Variants in CBFA2T2 observed in about 807,000 individuals in gnomAD.
The protein encoded by CBFA2T2 is CBFA2/RUNX1 partner transcriptional co-repressor 2.
CBFA2T2 carries 11 observed loss-of-function variants against 62.2 expected under a neutral mutation model. The observed-to-expected ratio is 0.18, with a 90% confidence interval of 0.11 to 0.29. CBFA2T2 has a LOEUF of 0.29. Ranked by LOEUF, CBFA2T2 falls within the 10% of genes least tolerant of loss-of-function variation. The pLI is 1.00. For missense variants in CBFA2T2, 592 were observed against 774.1 expected (o/e 0.76, Z 2.79); for synonymous variants, 295 against 287.5 (o/e 1.03, Z -0.27).
chr20:33,534,812 C>G (rs2012162266), intron 1 of CBFA2T2, among the ~76,000 whole-genome samples: 1 of 116,248 alleles, frequency 8.6e-6, no homozygotes. Flanking sequence ...GGAAGTTTTC[C>G]ATCTTATATG....
At chr20:33,529,723 A>G (rs1328633747) in intron 1 of CBFA2T2, among the ~76,000 whole-genome samples, 1 of 146,530 alleles carries the variant, frequency 6.8e-6, no homozygotes, top group Non-Finnish European at 1.5e-5. Flanking sequence ...AGTGTCTTGT[A>G]TCAAGAAAGA....
chr20:33,632,264 G>A (rs2016481603), intron 8 of CBFA2T2, among the ~76,000 whole-genome samples: 1 of 151,950 alleles, frequency 6.6e-6, no homozygotes, highest in African/African-American at 2.4e-5. Context: ...GGCTGGGCTC[G>A]AACTCCTGAC....
At position 33,636,659 on chromosome 20, in the gene CBFA2T2, C is replaced by T; in HGVS notation, c.1248C>T (p.Asn416=). 1 of 1,613,658 alleles carries T rather than the reference C, an allele frequency of 6.2e-7. No homozygotes were observed. Among genetic ancestry groups the T allele is most frequent in the Non-Finnish European group, 8.5e-7 (1 of 1,179,700 alleles). Residue 416 remains asparagine, a synonymous_variant, in exon 9 of 11, where the codon AAC becomes AAT. Transcript: ENST00000342704. ...SLSNDSQREF[N]SRPGTGYVPV... ...CTGCAGATTCTCAGAGAGAGTTCAA[C>T]AGCAGGCCAGGTACAGGATACGTAC...
chr20:33,548,813 A>G (rs1364039009), intron 1 of CBFA2T2, among the ~76,000 whole-genome samples: 2 of 152,138 alleles, frequency 1.3e-5, no homozygotes, highest in African/African-American at 4.8e-5. Flanking sequence ...AAAAAAAGCC[A>G]GACATGGTGG....
At chr20:33,497,575 G>T (rs567155082) in intron 1 of CBFA2T2, among the ~76,000 whole-genome samples, 1 of 146,240 alleles carries the variant, frequency 6.8e-6, no homozygotes, top group Non-Finnish European at 1.5e-5. Context: ...TTTTGAGAAG[G>T]GGTCTCACTC....
chr20:33,619,259 C>T (rs1015993649), intron 3 of CBFA2T2, among the ~76,000 whole-genome samples: 2 of 152,024 alleles, frequency 1.3e-5, no homozygotes, highest in South Asian at 2.1e-4. Flanking sequence ...GTGGCTCTCC[C>T]TTGTAATCCC....
intron 1 of CBFA2T2, among the ~76,000 whole-genome samples, chr20:33,541,617 G>A (rs991336772): frequency 6.6e-6 from 1 of 152,172 alleles, no homozygotes; most frequent in Non-Finnish European, 1.5e-5. Flanking sequence ...CCTTTCCACA[G>A]TTATGTTCCT....
At chr20:33,560,864 A>G (rs954000992) in intron 1 of CBFA2T2, among the ~76,000 whole-genome samples, 5 of 151,968 alleles carry the variant, frequency 3.3e-5, no homozygotes, top group African/African-American at 1.2e-4. Context: ...TCCCCTGGCC[A>G]TCTTTTTTTG....
At chr20:33,582,418 G>T (rs112614567) in intron 1 of CBFA2T2, among the ~76,000 whole-genome samples, 12,260 of 151,832 alleles carry the variant, frequency 0.081, 1,291 homozygotes, top group African/African-American at 0.22. Context: ...AACCTGGGAG[G>T]CAGAGGTTGC....
At chr20:33,641,065 C>A (rs1237521796) in intron 10 of CBFA2T2, among the ~76,000 whole-genome samples, 6 of 151,496 alleles carry the variant, frequency 4.0e-5, no homozygotes, top group African/African-American at 1.5e-4. Flanking sequence ...CGGAGTCTCT[C>A]TCTGTCCCCC....
intron 4 of CBFA2T2, among the ~76,000 whole-genome samples, chr20:33,620,311 C>G (rs572239098): frequency 2.6e-5 from 4 of 151,182 alleles, no homozygotes; most frequent in Non-Finnish European, 5.9e-5. Flanking sequence ...AGTTCAAGAC[C>G]AGACTGGCCA....
At chr20:33,578,992 G>T (rs906418279) in intron 1 of CBFA2T2, among the ~76,000 whole-genome samples, 1 of 152,074 alleles carries the variant, frequency 6.6e-6, no homozygotes, top group African/African-American at 2.4e-5. Context: ...TTCTTAGAGG[G>T]GAGCAGTGGA....
rs542730477 is a variant in CBFA2T2 at position 33,542,439 on chromosome 20, AT to A, written c.34+52147del. Among the ~76,000 whole-genome samples the A allele has an allele frequency of 1.3e-3, 194 of 151,330 alleles. 1 individual carries two copies. Among genetic ancestry groups the A allele is most frequent in the Middle Eastern group, 0.01 (3 of 286 alleles). On this transcript the variant is annotated intron_variant, in intron 1 of 10. Coordinates refer to ENST00000342704, the MANE Select transcript of CBFA2T2 (RefSeq NM_001032999.3). The stretch of plus-strand genomic sequence containing the variant: ...AGATGCCCTTTGATTTTAGTTTTAA[AT>A]TTTTTTTTATTATAATTTTTTTCAT...
intron 1 of CBFA2T2, among the ~76,000 whole-genome samples, chr20:33,594,578 CA>C (rs776306913): frequency 6.6e-6 from 1 of 152,102 alleles, no homozygotes; most frequent in Non-Finnish European, 1.5e-5. Context: ...ACAGATGTAT[CA>C]AATGCTGGAA....
intron 1 of CBFA2T2, among the ~76,000 whole-genome samples, chr20:33,515,955 G>GC (rs2011593216): frequency 6.6e-6 from 1 of 151,972 alleles, no homozygotes; most frequent in Non-Finnish European, 1.5e-5. Context: ...ACCATCCTGA[G>GC]CAAAATAGCA....
intron 2 of CBFA2T2, among the ~76,000 whole-genome samples, chr20:33,608,797 C>A (rs1385537400): frequency 1.3e-5 from 2 of 152,076 alleles, no homozygotes; most frequent in Admixed American, 6.6e-5. Context: ...TACGAAAAAG[C>A]CTTTCTATAC....
At chr20:33,493,068 G>GTTTTTTT (rs1157324208) in intron 1 of CBFA2T2, among the ~76,000 whole-genome samples, 17 of 88,108 alleles carry the variant, frequency 1.9e-4, no homozygotes, top group South Asian at 4.2e-4. Flanking sequence ...TGAAGTTTTG[G>GTTTTTTT]TTTTTTTTTT....
At chr20:33,629,662 G>T in intron 7 of CBFA2T2, 57 bp from the exon 8 acceptor site, 13 of 1,484,866 alleles carry the variant, frequency 8.8e-6, no homozygotes, top group Non-Finnish European at 1.1e-5. Flanking sequence ...CTGATTTACA[G>T]TGTTGGTTGT....
chr20:33,624,962 G>A lies in CBFA2T2; in HGVS notation c.891G>A (p.Arg297=), dbSNP rs1454655102. Residue 297 remains arginine, a synonymous_variant, in exon 6 of 11, where the codon CGG becomes CGA. Transcript: ENST00000342704. ...ATATTGCAACTTCTCACCTGTATCG[G>A]GAACCCAACAAGATGCTAGAGCATC... ...LEDIATSHLY[R]EPNKMLEHRE... 39 of 1,613,942 alleles carry A rather than the reference G, an allele frequency of 2.4e-5. No homozygotes were observed. The highest frequency in any genetic ancestry group is 3.1e-5 in the Non-Finnish European group (36 of 1,180,024).
Sources: gnomAD v4.1 joint callset for allele counts (sites outside exome capture counted in the v4.1 genomes callset) on GRCh38, gnomAD v4.1.1 for gene constraint, MANE v1.5 for transcripts, NCBI Gene and HGNC (gene_info 2026-07-23, HGNC 2026-07-21) for gene names.